DLG1: variants seen among roughly 807,000 people sequenced by gnomAD.
The protein encoded by DLG1 is disks large homolog 1.
Under a neutral mutation model 123.4 loss-of-function variants are expected in DLG1, and 42 were observed. The ratio of observed to expected loss-of-function variants is 0.34; its 90% CI spans 0.27 to 0.44. DLG1 has a LOEUF of 0.44. Among genes scored for constraint, DLG1 ranks in the 20% least tolerant of loss-of-function variants. The pLI is 1.00. For missense variants in DLG1, 942 were observed against 1,082.6 expected (o/e 0.87, Z 1.82); for synonymous variants, 317 against 356.2 (o/e 0.89, Z 1.24).
chr3:197,046,653 G>A (rs749183435), intron 24 of DLG1, among the ~76,000 whole-genome samples: 6 of 152,080 alleles, frequency 3.9e-5, no homozygotes, highest in Non-Finnish European at 7.4e-5. Flanking sequence ...GAAGGTGGGC[G>A]GATTGGATGA....
chr3:197,212,686 C>T (rs1165557313), intron 4 of DLG1, among the ~76,000 whole-genome samples: 1 of 152,166 alleles, frequency 6.6e-6, no homozygotes, highest in Non-Finnish European at 1.5e-5. Flanking sequence ...ATAGCCCATC[C>T]CAATAATCTC....
intron 18 of DLG1, chr3:197,070,791 T>C (rs1215635094): frequency 1.3e-5 from 2 of 151,096 alleles, no homozygotes; most frequent in African/African-American, 4.9e-5. Flanking sequence ...AGGCTGATAT[T>C]GAACCTCTGA....
At chr3:197,184,004 C>T in intron 5 of DLG1, 1 of 1,376,472 alleles carries the variant, frequency 7.3e-7, no homozygotes, top group Non-Finnish European at 9.4e-7. Flanking sequence ...CCCTCTGTAC[C>T]TGTTAGCTGT....
In DLG1 at chr3:197,065,698, G is replaced by C. The variant is rs745637885; in HGVS notation, c.2200+10C>G. The C allele has an allele frequency of 1.6e-5, 25 of 1,565,432 alleles. No individual in the cohort carries two copies. In the East Asian group the frequency reaches 4.5e-4, roughly 28 times the overall value. ...AGTAACAATTAAATGTTTTTGTTTGGTTTACTTACGAGGAACACAGGATCC... is the reference window on the plus strand; with the variant it reads ...AGTAACAATTAAATGTTTTTGTTTGCTTTACTTACGAGGAACACAGGATCC... On this transcript the variant is annotated intron_variant, in intron 21 of 24. Transcript: ENST00000667157.
At chr3:197,076,750 C>T in intron 17 of DLG1, 65 bp from the exon 18 acceptor site, 5 of 1,249,572 alleles carry the variant, frequency 4.0e-6, no homozygotes, top group Non-Finnish European at 5.8e-6. Flanking sequence ...AAGGCCCAGC[C>T]TAGCAGCTCT....
intron 4 of DLG1, among the ~76,000 whole-genome samples, chr3:197,227,470 A>T (rs1740568191): frequency 6.7e-6 from 1 of 149,712 alleles, no homozygotes; most frequent in Admixed American, 6.6e-5. Flanking sequence ...GTGAGACTCC[A>T]TCTCAAAAAA....
chr3:197,097,122 C>T (rs958427968), intron 14 of DLG1, among the ~76,000 whole-genome samples: 2 of 152,204 alleles, frequency 1.3e-5, no homozygotes, highest in African/African-American at 4.8e-5. Flanking sequence ...CTATCCTACT[C>T]AATTTGGATT....
chr3:197,165,806 A>G (rs910918528), intron 5 of DLG1, among the ~76,000 whole-genome samples: 14 of 152,342 alleles, frequency 9.2e-5, no homozygotes, highest in African/African-American at 3.4e-4. Flanking sequence ...ACACATGGAA[A>G]AATCAAACAA....
At chr3:197,110,302 T>G (rs2149355753) in intron 13 of DLG1, among the ~76,000 whole-genome samples, 1 of 152,338 alleles carries the variant, frequency 6.6e-6, no homozygotes, top group South Asian at 2.1e-4. Flanking sequence ...ATTTTTCATT[T>G]AAGTTACTGT....
chr3:197,045,827 T>C (rs1290753259), intron 24 of DLG1, among the ~76,000 whole-genome samples: 1 of 152,152 alleles, frequency 6.6e-6, no homozygotes, highest in Non-Finnish European at 1.5e-5. Context: ...TACAAAAAAA[T>C]GCCCAGTGAT....
chr3:197,134,901 G>T (rs1324665858), intron 10 of DLG1, among the ~76,000 whole-genome samples: 2 of 152,220 alleles, frequency 1.3e-5, no homozygotes, highest in African/African-American at 4.8e-5. Flanking sequence ...CCCCTAGGGG[G>T]TAGACAAGAG....
At chr3:197,197,455 T>TG (rs1164015431) in intron 4 of DLG1, among the ~76,000 whole-genome samples, 1 of 152,236 alleles carries the variant, frequency 6.6e-6, no homozygotes, top group Non-Finnish European at 1.5e-5. Context: ...ACCTACTATT[T>TG]GGTTATCTGT....
intron 11 of DLG1, among the ~76,000 whole-genome samples, chr3:197,123,015 G>A (rs956830592): frequency 2.0e-5 from 3 of 152,026 alleles, no homozygotes; most frequent in Non-Finnish European, 4.4e-5. Flanking sequence ...CCTAGAAATA[G>A]GTTCATATAT....
At chr3:197,138,579 C>T (rs1179292408) in intron 8 of DLG1, among the ~76,000 whole-genome samples, 188 bp from the exon 9 acceptor site, 1 of 151,402 alleles carries the variant, frequency 6.6e-6, no homozygotes, top group Non-Finnish European at 1.5e-5. Context: ...AAACATTTCC[C>T]AAGGGCCAGC....
intron 4 of DLG1, among the ~76,000 whole-genome samples, chr3:197,233,376 G>T (rs910470562): frequency 6.6e-6 from 1 of 152,126 alleles, no homozygotes; most frequent in Non-Finnish European, 1.5e-5. Context: ...TCTATTGGAA[G>T]GTTTTTTAAA....
At position 197,120,592 on chromosome 3, in the gene DLG1, T is replaced by C. The variant is rs1322952934; in HGVS notation, c.1166-1062A>G. ...TTATCAAGCATTAATCTCTTTTTTA[T>C]TAAATTAGAGCATATCTTCTATGGA... On this transcript the variant is annotated intron_variant, in intron 11 of 24. Transcript: ENST00000667157. Among the ~76,000 whole-genome samples, 3 of 152,230 alleles carry C rather than the reference T, an allele frequency of 2.0e-5. No homozygotes were observed. In the East Asian group the frequency reaches 5.8e-4, roughly 29 times the overall value.
chr3:197,291,151 C>T (rs1774646978), intron 3 of DLG1, among the ~76,000 whole-genome samples: 1 of 152,070 alleles, frequency 6.6e-6, no homozygotes, highest in Admixed American at 6.5e-5. Flanking sequence ...TGCTTCAGAG[C>T]AGTAGTAAGC....
chr3:197,166,873 T>C (rs1030980874), intron 5 of DLG1, among the ~76,000 whole-genome samples: 1 of 150,690 alleles, frequency 6.6e-6, no homozygotes, highest in Non-Finnish European at 1.5e-5. Flanking sequence ...GCCTGGGCAA[T>C]AAGAGCGAAA....
intron 22 of DLG1, 27 bp from the exon 23 acceptor site, chr3:197,060,025 A>G (rs759579279): frequency 6.5e-7 from 1 of 1,527,386 alleles, no homozygotes; most frequent in South Asian, 1.2e-5. Context: ...AAAGAAAAAA[A>G]ACAAGTGAGC....
Sources: allele counts gnomAD v4.1 joint callset (sites outside exome capture counted in the v4.1 genomes callset), GRCh38; gene constraint gnomAD v4.1.1; transcripts MANE v1.5; gene names NCBI Gene and HGNC (gene_info 2026-07-23, HGNC 2026-07-21).